PTPRN2: variants seen among roughly 807,000 people sequenced by gnomAD.
The protein encoded by PTPRN2 is receptor-type tyrosine-protein phosphatase N2.
PTPRN2 carries 74 observed loss-of-function variants against 118.8 expected under a neutral mutation model. The ratio of observed to expected loss-of-function variants is 0.62; its 90% CI spans 0.52 to 0.76. The LOEUF is 0.76. Among genes scored for constraint, PTPRN2 ranks in the 30% least tolerant of loss-of-function variants. The pLI, the probability that PTPRN2 is intolerant of heterozygous loss-of-function variation, is 0.00. For missense variants in PTPRN2, 1,481 were observed against 1,394.4 expected (o/e 1.06, Z -0.99); for synonymous variants, 641 against 608.0 (o/e 1.05, Z -0.80).
intron 12 of PTPRN2, among the ~76,000 whole-genome samples, chr7:157,772,507 G>C (rs900363728): frequency 1.3e-5 from 2 of 152,218 alleles, no homozygotes; most frequent in Non-Finnish European, 2.9e-5. Flanking sequence ...CAGAGACCTG[G>C]GGCAGGAAGT....
chr7:158,327,264 C>T (rs7782723), intron 2 of PTPRN2, among the ~76,000 whole-genome samples: 80,594 of 151,218 alleles, frequency 0.53, 21,786 homozygotes, highest in South Asian at 0.58. Context: ...TTCTCACATG[C>T]ACACACGTGC....
chr7:157,540,807 A>C, intron 22 of PTPRN2, 22 bp from the exon 23 acceptor site: 1 of 1,544,924 alleles, frequency 6.5e-7, no homozygotes, highest in South Asian at 1.2e-5. Context: ...GAAACGAGAG[A>C]AGTGCCAATG....
intron 12 of PTPRN2, among the ~76,000 whole-genome samples, chr7:157,873,059 C>T (rs1015122967): frequency 1.3e-5 from 2 of 152,222 alleles, no homozygotes; most frequent in Non-Finnish European, 2.9e-5. Flanking sequence ...GGGGAACTGC[C>T]CCTGGCCGTG....
chr7:157,963,928 T>A (rs1385549143), intron 11 of PTPRN2, among the ~76,000 whole-genome samples: 1 of 152,226 alleles, frequency 6.6e-6, no homozygotes, highest in African/African-American at 2.4e-5. Flanking sequence ...GGTCTCAAAC[T>A]CCTGGCCTTG....
At chr7:158,467,032 A>G (rs1346850636) in intron 2 of PTPRN2, among the ~76,000 whole-genome samples, 1 of 152,166 alleles carries the variant, frequency 6.6e-6, no homozygotes, top group Non-Finnish European at 1.5e-5. Context: ...GTCTCAAACA[A>G]AGCATCCAAG....
intron 3 of PTPRN2, among the ~76,000 whole-genome samples, chr7:158,277,293 C>T (rs372626317): frequency 3.9e-4 from 60 of 152,310 alleles, no homozygotes; most frequent in African/African-American, 1.3e-3. Flanking sequence ...CCACTCTGTT[C>T]GCCATTCGGT....
At chr7:157,804,390 A>G (rs1192736167) in intron 12 of PTPRN2, among the ~76,000 whole-genome samples, 1 of 152,216 alleles carries the variant, frequency 6.6e-6, no homozygotes, top group African/African-American at 2.4e-5. Flanking sequence ...AGCACTCATG[A>G]TATGTCAGAC....
At chr7:158,055,371 G>A (rs185980998) in intron 11 of PTPRN2, among the ~76,000 whole-genome samples, 217 of 152,266 alleles carry the variant, frequency 1.4e-3, no homozygotes, top group African/African-American at 4.9e-3. Context: ...AAGCGGTAGC[G>A]TCAGTGCCAA....
rs1382990639 is a variant in PTPRN2, at chr7:157,621,373, G to A, written c.2333C>T (p.Ala778Val). ...GGGCTGGTACGTACAGGTCAGCACG[G>A]CCAGGGAGCGGTTCTTGGGCACGTT... ...EENVPKNRSL[A>V]VLTYDHSRVL... is the part of the protein sequence containing the mutation. The change falls in exon 15 of 23, where the codon GCC becomes GTC. Residue 778 changes from alanine to valine, a missense_variant. Around this residue, in one of 3 missense-constraint regions of PTPRN2, gnomAD observed 362 missense variants for 384.1 expected, o/e 0.94. Coordinates refer to ENST00000389418, the MANE Select transcript of PTPRN2 (RefSeq NM_002847.5). The A allele has an allele frequency of 2.5e-6, 4 of 1,613,874 alleles. No homozygotes were observed. Among genetic ancestry groups the A allele is most frequent in the Non-Finnish European group, 2.5e-6 (3 of 1,180,024 alleles).
chr7:158,145,560 T>G (rs1189894291), intron 6 of PTPRN2, among the ~76,000 whole-genome samples: 1 of 152,178 alleles, frequency 6.6e-6, no homozygotes, highest in Non-Finnish European at 1.5e-5. Context: ...AATGGCAACG[T>G]GAGCAGAAAG....
chr7:157,697,942 C>T (rs1237741837), intron 12 of PTPRN2, among the ~76,000 whole-genome samples: 2 of 151,250 alleles, frequency 1.3e-5, no homozygotes, highest in African/African-American at 2.4e-5. Flanking sequence ...AGAGCCCTCA[C>T]CATCTACCCA....
chr7:157,545,078 T>C (rs372635109), intron 22 of PTPRN2, among the ~76,000 whole-genome samples: 277 of 147,696 alleles, frequency 1.9e-3, no homozygotes, highest in African/African-American at 6.6e-3. Context: ...CATGGGTGTG[T>C]GTGTGGGTGT....
At chr7:158,248,054 G>A (rs1796374940) in intron 3 of PTPRN2, among the ~76,000 whole-genome samples, 1 of 152,136 alleles carries the variant, frequency 6.6e-6, no homozygotes, top group Non-Finnish European at 1.5e-5. Context: ...CGTTTCTGAG[G>A]GTAAAGAATT....
At position 158,499,772 on chromosome 7, in the gene PTPRN2, AAT is replaced by A. The variant is rs1445140089; in HGVS notation, c.113-9989_113-9988del. Among the ~76,000 whole-genome samples, 45 of 151,024 alleles carry A rather than the reference AAT, an allele frequency of 3.0e-4. No homozygotes were observed. In the East Asian group the frequency reaches 7.8e-3, roughly 26 times the overall value. ...GGTGACGGAGCAAGACTCCATCTCA[AAT>A]ATATGTGTGTATGTGTGTGTGTGTG... On this transcript the variant is annotated intron_variant, in intron 1 of 22. Coordinates refer to ENST00000389418, the MANE Select transcript of PTPRN2 (RefSeq NM_002847.5).
intron 11 of PTPRN2, among the ~76,000 whole-genome samples, chr7:158,077,400 C>T (rs1490362651): frequency 6.6e-6 from 1 of 152,196 alleles, no homozygotes; most frequent in Non-Finnish European, 1.5e-5. Flanking sequence ...ACACGGGGCG[C>T]CTCTCCAACA....
intron 11 of PTPRN2, among the ~76,000 whole-genome samples, chr7:157,991,181 G>T (rs142807703): frequency 6.6e-6 from 1 of 152,342 alleles, no homozygotes; most frequent in East Asian, 1.9e-4. Context: ...CAGGGCAACA[G>T]GCTGGGGCAT....
Position 158,545,065 on chromosome 7 carries a change from G to A in PTPRN2, c.112+42493C>T, listed in dbSNP as rs117393477. ...TCCAGCCCAGCCCCACCCACGGCGA[G>A]GAAGGCACCTGCTCGGACACACCTG... is the stretch of plus-strand genomic sequence containing the variant. On this transcript the variant is annotated intron_variant, in intron 1 of 22. Coordinates refer to ENST00000389418, the MANE Select transcript of PTPRN2 (RefSeq NM_002847.5). Among the ~76,000 whole-genome samples, 187 of 152,332 alleles carry A rather than the reference G, an allele frequency of 1.2e-3. 4 individuals are homozygous for A. In the East Asian group the frequency reaches 0.03, roughly 25 times the overall value.
In PTPRN2 at chr7:157,690,535, C is replaced by T. The variant is rs973889749; in HGVS notation, c.1789-7598G>A. 2.0e-5 allele frequency among the ~76,000 whole-genome samples: 3 copies of T among 151,982 alleles called. No individual in the cohort carries two copies. The highest frequency in any genetic ancestry group is 2.9e-5 in the Non-Finnish European group (2 of 67,952). On this transcript the variant is annotated intron_variant, in intron 12 of 22. Coordinates refer to ENST00000389418, the MANE Select transcript of PTPRN2 (RefSeq NM_002847.5). The surrounding 1 kb of genome is among the most constrained non-coding windows in gnomAD (Gnocchi z 7.1). Reference sequence around the variant, plus strand: ...CGCACTACGAGCGCCCGCGCCCCGCCCGGCACCCCTGGTTACCTGCAGCTG... The same window carrying T: ...CGCACTACGAGCGCCCGCGCCCCGCTCGGCACCCCTGGTTACCTGCAGCTG...
chr7:158,168,428 C>G (rs891178664), intron 5 of PTPRN2, among the ~76,000 whole-genome samples: 1 of 152,180 alleles, frequency 6.6e-6, no homozygotes, highest in Non-Finnish European at 1.5e-5. Context: ...CCTACATCTT[C>G]TCTGAAGAAA....
Sources: gnomAD v4.1 joint callset for allele counts (sites outside exome capture counted in the v4.1 genomes callset) on GRCh38, gnomAD v4.1.1 for gene constraint, gnomAD v4.1.1 regional missense constraint, Gnocchi (gnomAD v3.1) non-coding constraint, MANE v1.5 for transcripts, NCBI Gene and HGNC (gene_info 2026-07-23, HGNC 2026-07-21) for gene names.